Variants in B3GAT1 observed in about 807,000 individuals in gnomAD.
The protein encoded by B3GAT1 is beta-1,3-glucuronyltransferase 1.
B3GAT1 carries 11 observed loss-of-function variants against 28.4 expected under a neutral mutation model. The ratio of observed to expected loss-of-function variants is 0.39; its 90% CI spans 0.24 to 0.64. B3GAT1 has a LOEUF of 0.64. B3GAT1 is among the 30% of genes least tolerant of loss of function. The pLI, the probability that B3GAT1 is intolerant of heterozygous loss-of-function variation, is 0.50. For missense variants in B3GAT1, 375 were observed against 491.0 expected (o/e 0.76, Z 2.23); for synonymous variants, 255 against 223.1 (o/e 1.14, Z -1.27).
intron 1 of B3GAT1, among the ~76,000 whole-genome samples, chr11:134,397,653 G>A (rs117494618): frequency 0.025 from 3,859 of 152,244 alleles, 62 homozygotes; most frequent in Non-Finnish European, 0.041. Flanking sequence ...CCAGAGCCGC[G>A]GGGGGTCCAG....
intron 1 of B3GAT1, among the ~76,000 whole-genome samples, chr11:134,395,764 T>G: frequency 6.6e-6 from 1 of 152,264 alleles, no homozygotes; most frequent in Non-Finnish European, 1.5e-5. Context: ...ACAAGTATAT[T>G]CATTTCCTAT....
rs905727428 is a variant in B3GAT1 at position 134,412,178 on chromosome 11, G to A, written c.-653C>T. Reference sequence around the variant, plus strand: ...GCGAGGGGGGCGCGCGGCCGGAGCCGAGCCGACCGGGCCGGCGCAGAGTCC... The same window carrying A: ...GCGAGGGGGGCGCGCGGCCGGAGCCAAGCCGACCGGGCCGGCGCAGAGTCC... On this transcript the variant is annotated 5_prime_UTR_variant, in exon 1 of 6. Transcript: ENST00000312527. 7.3e-4 allele frequency among the ~76,000 whole-genome samples: 106 copies of A among 144,396 alleles called. No individual in the cohort carries two copies. The highest frequency in any genetic ancestry group is 1.4e-3 in the Non-Finnish European group (89 of 65,060). The allele number at this position is 144,396 out of a possible 152,430, so 94.7% of individuals were successfully genotyped here.
rs1048011325 is a variant in B3GAT1, at chr11:134,403,200, G to A, written c.-282+8607C>T. On this transcript the variant is annotated intron_variant, in intron 1 of 5. Transcript: ENST00000312527. ...AAGACAGGCCTCCACATACCTGGGGGAGGGGATCTCCAGGCTCTCCTGGGC... is the reference window on the plus strand; with the variant it reads ...AAGACAGGCCTCCACATACCTGGGGAAGGGGATCTCCAGGCTCTCCTGGGC... Among the ~76,000 whole-genome samples the A allele has an allele frequency of 7.9e-4, 120 of 152,230 alleles. 1 individual carries two copies. The highest frequency in any genetic ancestry group is 2.8e-3 in the African/African-American group (117 of 41,540).
At chr11:134,402,715 C>G (rs1211023556) in intron 1 of B3GAT1, among the ~76,000 whole-genome samples, 1 of 152,062 alleles carries the variant, frequency 6.6e-6, no homozygotes, top group Non-Finnish European at 1.5e-5. Context: ...GAGTTGGAGA[C>G]CAGCCTGGCC....
At chr11:134,382,418 TGC>T (rs1474918100) in intron 4 of B3GAT1, among the ~76,000 whole-genome samples, 7 of 149,340 alleles carry the variant, frequency 4.7e-5, no homozygotes, top group Non-Finnish European at 7.5e-5. Flanking sequence ...CATGTGTGTG[TGC>T]GCACATGTGT....
chr11:134,400,240 G>A (rs1198458261), intron 1 of B3GAT1, among the ~76,000 whole-genome samples: 5 of 152,106 alleles, frequency 3.3e-5, no homozygotes, highest in African/African-American at 1.2e-4. Flanking sequence ...TTTGCTTGCC[G>A]GTTTTCACAT....
chr11:134,402,020 C>A (rs1276167901), intron 1 of B3GAT1, among the ~76,000 whole-genome samples: 1 of 151,330 alleles, frequency 6.6e-6, no homozygotes, highest in African/African-American at 2.4e-5. Flanking sequence ...GCCCCTGGAA[C>A]CTGGCGCTGT....
At position 134,379,224 on chromosome 11, in the gene B3GAT1, T is replaced by TCCCA. The variant is rs1181463349; in HGVS notation, c.*1534_*1537dup. On this transcript the variant is annotated 3_prime_UTR_variant, in exon 6 of 6. Transcript: ENST00000312527. ...CTGAATGTTAGGTCTCTGGACTGAG[T>TCCCA]CCCACCCACCCACCCACTCAGGAGT... 6.6e-6 allele frequency: 1 copy of TCCCA among 151,508 alleles called. No individual in the cohort carries two copies. The highest frequency in any genetic ancestry group is 1.5e-5 in the Non-Finnish European group (1 of 67,858). The allele number at this position is 151,508 out of a possible 1,614,324, so 9.4% of individuals were successfully genotyped here.
chr11:134,387,235 A>ACCTCCGACCTCAGCACTTCCCC (rs1944309519), intron 2 of B3GAT1: 1 of 300,586 alleles, frequency 3.3e-6, no homozygotes, highest in Non-Finnish European at 6.2e-6. Context: ...TTCACTTCCC[A>ACCTCCGACCTCAGCACTTCCCC]CCTCCGACCT....
In B3GAT1 at chr11:134,383,018, G is replaced by GA; in HGVS notation, c.622-13_622-12insT. 1 of 1,537,432 alleles carries GA rather than the reference G, an allele frequency of 6.5e-7. No individual in the cohort carries two copies. Among genetic ancestry groups the GA allele is most frequent in the Non-Finnish European group, 8.8e-7 (1 of 1,140,256 alleles). ...CTGGTGCTGCGCATCTACAAGGGGG[G>GA]GGTCCAGAGTCAGGGCGCCGGCACT... On this transcript the variant is annotated splice_polypyrimidine_tract_variant and intron_variant, in intron 3 of 5. Transcript: ENST00000312527.
chr11:134,397,450 A>G (rs1404976305), intron 1 of B3GAT1, among the ~76,000 whole-genome samples: 1 of 152,144 alleles, frequency 6.6e-6, no homozygotes, highest in East Asian at 1.9e-4. Flanking sequence ...TGAAATTCCA[A>G]CATGGCATGC....
chr11:134,383,740 C>A lies in B3GAT1; in HGVS notation c.561G>T (p.Gln187His). The A allele has an allele frequency of 2.5e-6, 4 of 1,594,222 alleles. No homozygotes were observed. The highest frequency in any genetic ancestry group is 2.2e-5 in the South Asian group (2 of 88,984). Residue 187 changes from glutamine to histidine, a missense_variant, in exon 3 of 6, where the codon CAG (glutamine) becomes CAT (histidine). Physicochemically the swap from Gln to His is conservative, Grantham distance 24. Coordinates refer to ENST00000312527, the MANE Select transcript of B3GAT1 (RefSeq NM_054025.3). Reference sequence around the variant, plus strand: ...CGTCGGCGAAGTAGACCACGCCAGGCTGGCTGGAGTTGCGCGGGAAGGTCT... The same window carrying A: ...CGTCGGCGAAGTAGACCACGCCAGGATGGCTGGAGTTGCGCGGGAAGGTCT... Reference protein sequence around the residue: ...LRETFPRNSSQPGVVYFADDD... With the variant: ...LRETFPRNSSHPGVVYFADDD...
At chr11:134,387,139 C>T (rs775106812) in intron 2 of B3GAT1, 5 of 183,726 alleles carry the variant, frequency 2.7e-5, no homozygotes, top group Non-Finnish European at 4.6e-5. Flanking sequence ...AGTGCTTCGC[C>T]CTTCCCTTCC....
chr11:134,409,118 T>C (rs1308289847), intron 1 of B3GAT1, among the ~76,000 whole-genome samples: 2 of 152,220 alleles, frequency 1.3e-5, no homozygotes, highest in East Asian at 3.8e-4. Flanking sequence ...ACTGGTGAGA[T>C]GACAGTTTCC....
At chr11:134,387,520 G>A (rs181878801) in intron 2 of B3GAT1, 28 bp downstream of exon 2, 25 of 1,611,734 alleles carry the variant, frequency 1.6e-5, no homozygotes, top group Non-Finnish European at 2.1e-5. Flanking sequence ...GGCCCAGCTG[G>A]GCAGGCAGGG....
At chr11:134,384,420 C>G in intron 2 of B3GAT1, 1 of 517,848 alleles carries the variant, frequency 1.9e-6, no homozygotes, top group East Asian at 3.1e-5. Context: ...TTCCTTCCCA[C>G]CTTTGCAGCC....
intron 1 of B3GAT1, among the ~76,000 whole-genome samples, chr11:134,398,024 C>T (rs1040816588): frequency 2.6e-5 from 4 of 152,206 alleles, no homozygotes; most frequent in African/African-American, 7.2e-5. Context: ...CTCCTCAATG[C>T]GTTGCTTGGA....
chr11:134,394,761 G>C (rs1944472649), intron 1 of B3GAT1, among the ~76,000 whole-genome samples: 1 of 152,226 alleles, frequency 6.6e-6, no homozygotes, highest in African/African-American at 2.4e-5. Context: ...CTTCTAACTG[G>C]GAAAACCCAG....
At chr11:134,388,002 G>T in intron 1 of B3GAT1, 62 bp from the exon 2 acceptor site, 1 of 606,708 alleles carries the variant, frequency 1.6e-6, no homozygotes, top group Non-Finnish European at 2.8e-6. Flanking sequence ...TGCCAGCAAG[G>T]CTGGGCCCTG....
Sources: allele counts gnomAD v4.1 joint callset (sites outside exome capture counted in the v4.1 genomes callset), GRCh38; gene constraint gnomAD v4.1.1; transcripts MANE v1.5; gene names NCBI Gene and HGNC (gene_info 2026-07-23, HGNC 2026-07-21).